Variants in PIGN observed in about 807,000 individuals in gnomAD.
PIGN encodes the protein GPI ethanolamine phosphate transferase 1.
Under a neutral mutation model 125.4 loss-of-function variants are expected in PIGN, and 117 were observed. The observed-to-expected ratio is 0.93, with a 90% confidence interval of 0.80 to 1.09. The LOEUF (loss-of-function observed/expected upper bound fraction) is 1.09, where lower values mean the gene tolerates loss of function less well. PIGN is among the 50% of genes least tolerant of loss of function. The pLI is 0.00. For missense variants in PIGN, 1,075 were observed against 1,094.9 expected (o/e 0.98, Z 0.26); for synonymous variants, 392 against 377.8 (o/e 1.04, Z -0.44).
intron 1 of PIGN, among the ~76,000 whole-genome samples, chr18:62,180,875 G>C (rs2037693028): frequency 6.6e-6 from 1 of 152,060 alleles, no homozygotes; most frequent in Non-Finnish European, 1.5e-5. Context: ...TTTCTGGTGT[G>C]AGTTTTTTGT....
chr18:62,097,896 C>T (rs1288006141), intron 22 of PIGN, among the ~76,000 whole-genome samples: 2 of 152,084 alleles, frequency 1.3e-5, no homozygotes, highest in Non-Finnish European at 2.9e-5. Flanking sequence ...ACATAAACTC[C>T]TCCATCTCTA....
At chr18:62,068,163 A>G (rs2032637007) in intron 30 of PIGN, among the ~76,000 whole-genome samples, 1 of 152,152 alleles carries the variant, frequency 6.6e-6, no homozygotes, top group Admixed American at 6.5e-5. Context: ...TTGGAATAAA[A>G]TGCCTGTAGC....
intron 7 of PIGN, among the ~76,000 whole-genome samples, chr18:62,149,028 G>T (rs1339826124): frequency 6.6e-6 from 1 of 152,134 alleles, no homozygotes; most frequent in African/African-American, 2.4e-5. Context: ...ATGAACATGG[G>T]TGCAAAACTA....
At position 62,144,444 on chromosome 18, in the gene PIGN, C is replaced by T. The variant is rs191372943; in HGVS notation, c.923-1098G>A. On this transcript the variant is annotated intron_variant, in intron 10 of 30. Coordinates refer to ENST00000640252, the MANE Select transcript of PIGN (RefSeq NM_176787.5). ...AATGATCTACCTCTTGTTTACCTCTCCAACTCTCAACTCATTGTACTCTGC... is the reference window on the plus strand; with the variant it reads ...AATGATCTACCTCTTGTTTACCTCTTCAACTCTCAACTCATTGTACTCTGC... Among the ~76,000 whole-genome samples, 20 of 152,306 alleles carry T rather than the reference C, an allele frequency of 1.3e-4. No individual in the cohort carries two copies. The East Asian group carries it at 2.9e-3, about 22-fold the overall frequency.
intron 14 of PIGN, among the ~76,000 whole-genome samples, chr18:62,121,527 C>A (rs1248483651): frequency 6.6e-6 from 1 of 152,008 alleles, no homozygotes; most frequent in Non-Finnish European, 1.5e-5. Context: ...AGGGCACAAC[C>A]TTTTGCAGGG....
intron 30 of PIGN, among the ~76,000 whole-genome samples, chr18:62,059,531 C>T (rs756748051): frequency 6.6e-6 from 1 of 152,058 alleles, no homozygotes; most frequent in Non-Finnish European, 1.5e-5. Flanking sequence ...GTTACACTAA[C>T]TGGAAGAAGT....
At chr18:62,085,716 C>T (rs2033666736) in intron 25 of PIGN, among the ~76,000 whole-genome samples, 2 of 152,118 alleles carry the variant, frequency 1.3e-5, no homozygotes, top group African/African-American at 2.4e-5. Context: ...AACAAGATAC[C>T]ATGTTTTAAA....
chr18:62,091,451 T>C (rs2033954550), intron 23 of PIGN, among the ~76,000 whole-genome samples: 1 of 152,204 alleles, frequency 6.6e-6, no homozygotes, highest in African/African-American at 2.4e-5. Context: ...GTATTAAGAA[T>C]CTCAAAAATA....
chr18:62,080,559 A>G (rs1406987586), intron 28 of PIGN, among the ~76,000 whole-genome samples: 1 of 152,218 alleles, frequency 6.6e-6, no homozygotes, highest in East Asian at 1.9e-4. Flanking sequence ...CCTGACAGAA[A>G]AGGAGAATCG....
At chr18:62,078,092 T>C (rs967728014) in intron 28 of PIGN, among the ~76,000 whole-genome samples, 1 of 152,144 alleles carries the variant, frequency 6.6e-6, no homozygotes, top group Non-Finnish European at 1.5e-5. Context: ...TCTGAGGTAC[T>C]TGGGGGTCAG....
intron 10 of PIGN, 88 bp from the exon 11 acceptor site, chr18:62,143,434 G>A (rs2036208395): frequency 1.3e-6 from 1 of 765,576 alleles, no homozygotes; most frequent in African/African-American, 1.8e-5. Flanking sequence ...AATACTTATG[G>A]AAAACATAGG....
intron 30 of PIGN, among the ~76,000 whole-genome samples, chr18:62,060,251 C>T (rs374299136): frequency 1.3e-5 from 2 of 152,322 alleles, no homozygotes; most frequent in East Asian, 3.9e-4. Flanking sequence ...TCGCACTCCC[C>T]TCCCATGACT....
intron 14 of PIGN, among the ~76,000 whole-genome samples, chr18:62,129,697 A>AC (rs2035662340): frequency 7.8e-3 from 2 of 258 alleles, no homozygotes; most frequent in Non-Finnish European, 0.014. Context: ...CTTTTCCAAC[A>AC]TCAGTATAGT....
At chr18:62,124,503 C>T (rs2035427092) in intron 14 of PIGN, among the ~76,000 whole-genome samples, 1 of 152,158 alleles carries the variant, frequency 6.6e-6, no homozygotes, top group Admixed American at 6.5e-5. Context: ...GGTTTATTAT[C>T]TCTAAAGTGG....
At chr18:62,157,868 G>T in intron 4 of PIGN, 60 bp from the exon 5 acceptor site, 1 of 1,443,954 alleles carries the variant, frequency 6.9e-7, no homozygotes, top group East Asian at 2.4e-5. Context: ...CTCACATAAA[G>T]CTTTAGAAAC....
intron 2 of PIGN, among the ~76,000 whole-genome samples, chr18:62,162,668 A>T (rs2036997750): frequency 6.6e-6 from 1 of 152,148 alleles, no homozygotes; most frequent in African/African-American, 2.4e-5. Context: ...CAAAGTACAA[A>T]AGTTCCTTAG....
rs116065608 is a variant in PIGN at position 62,078,279 on chromosome 18, C to T, written c.2577-3458G>A. On this transcript the variant is annotated intron_variant, in intron 28 of 30. Coordinates refer to ENST00000640252, the MANE Select transcript of PIGN (RefSeq NM_176787.5). ...GGTAAAAAAGGTTTAACAGAGAATACGATCCCTGAACTAAGTCTTAATTAA... is the reference window on the plus strand; with the variant it reads ...GGTAAAAAAGGTTTAACAGAGAATATGATCCCTGAACTAAGTCTTAATTAA... 3.6e-3 allele frequency among the ~76,000 whole-genome samples: 555 copies of T among 152,248 alleles called. 1 individual carries two copies. The highest frequency in any genetic ancestry group is 0.013 in the African/African-American group (539 of 41,546).
chr18:62,027,220 A>G (rs866477663), intron 23 of PIGN, among the ~76,000 whole-genome samples: 2 of 152,252 alleles, frequency 1.3e-5, no homozygotes, highest in Admixed American at 6.5e-5. Context: ...AAATAAATAA[A>G]GGAGGCCGAG....
intron 23 of PIGN, among the ~76,000 whole-genome samples, chr18:62,092,980 A>C (rs911348424): frequency 2.6e-5 from 4 of 152,012 alleles, no homozygotes; most frequent in Non-Finnish European, 5.9e-5. Context: ...ATTGCCTAAC[A>C]CTGTAAAATA....
Sources: allele counts gnomAD v4.1 joint callset (sites outside exome capture counted in the v4.1 genomes callset), GRCh38; gene constraint gnomAD v4.1.1; transcripts MANE v1.5; gene names NCBI Gene and HGNC (gene_info 2026-07-23, HGNC 2026-07-21).